DMD: variants seen among roughly 807,000 people sequenced by gnomAD.
The protein encoded by DMD is mutant dystrophin.
A neutral mutation model predicts 330.1 loss-of-function variants in DMD; 63 were observed. The observed-to-expected ratio is 0.19, with a 90% confidence interval of 0.16 to 0.24. The LOEUF is 0.24. Among genes scored for constraint, DMD ranks in the 10% least tolerant of loss-of-function variants. The pLI is 1.00. For synonymous variants in DMD, 1,223 were observed against 959.8 expected, an observed-to-expected ratio of 1.27 and a Z score of -5.07; for missense variants, 3,344 against 2,684.1, an observed-to-expected ratio of 1.25 and a Z score of -5.43.
At chrX:31,126,463 A>T (rs959257875) in intron 78 of DMD, among the ~76,000 whole-genome samples, 179 bp downstream of exon 78, 2 of 111,906 alleles carry the variant, frequency 1.8e-5, no homozygotes, top group Non-Finnish European at 3.8e-5. Context: ...ACGGCAATGA[A>T]CATTTGAGGA....
intron 50 of DMD, among the ~76,000 whole-genome samples, chrX:31,811,449 A>C (rs2092453956): frequency 8.9e-6 from 1 of 112,220 alleles, no homozygotes; most frequent in Admixed American, 9.4e-5. Flanking sequence ...ACATCTCATT[A>C]TATTTCAAGC....
chrX:32,452,288 G>GA (rs2098332824), intron 26 of DMD, among the ~76,000 whole-genome samples: 1 of 43,269 alleles, frequency 2.3e-5, no homozygotes, highest in Non-Finnish European at 4.5e-5. Flanking sequence ...GAAAAGAAAG[G>GA]AAAGGAAAAG....
chrX:32,271,577 G>T (rs1480285257), intron 43 of DMD, among the ~76,000 whole-genome samples: 3 of 112,783 alleles, frequency 2.7e-5, no homozygotes, highest in African/African-American at 9.6e-5. Flanking sequence ...TTTTTAAAGC[G>T]TTAGAATTTC....
chrX:32,321,753 G>A (rs1199068852), intron 41 of DMD, among the ~76,000 whole-genome samples: 2 of 111,585 alleles, frequency 1.8e-5, no homozygotes, highest in Admixed American at 9.6e-5. Context: ...CTGCATTTGC[G>A]CCAAGACATT....
chrX:31,272,254 A>G (rs1209209188), intron 62 of DMD, among the ~76,000 whole-genome samples: 1 of 112,532 alleles, frequency 8.9e-6, no homozygotes, highest in African/African-American at 3.2e-5. Flanking sequence ...TCACTAAAAT[A>G]AAGCCATACT....
intron 66 of DMD, among the ~76,000 whole-genome samples, chrX:31,205,874 A>C (rs143644090): frequency 0.022 from 2,483 of 112,390 alleles, 62 homozygotes; most frequent in African/African-American, 0.076. Context: ...TTTGTTTAAT[A>C]TTCCTACTGA....
At chrX:31,289,251 C>CAAAAAAAAAAAAAAAAAAAAAAA (rs773939250) in intron 62 of DMD, among the ~76,000 whole-genome samples, 5 of 23,600 alleles carry the variant, frequency 2.1e-4, no homozygotes, top group African/African-American at 6.6e-4. Flanking sequence ...GGTGACAGAG[C>CAAAAAAAAAAAAAAAAAAAAAAA]AAAAAAAAAA....
intron 42 of DMD, among the ~76,000 whole-genome samples, chrX:32,304,437 G>A (rs1051608628): frequency 2.7e-5 from 3 of 110,038 alleles, no homozygotes; most frequent in Admixed American, 9.7e-5. Flanking sequence ...TAATGGTTGG[G>A]GATAAAGAAT....
At chrX:32,509,258 G>T (rs1375988392) in intron 18 of DMD, among the ~76,000 whole-genome samples, 2 of 108,650 alleles carry the variant, frequency 1.8e-5, no homozygotes, top group Admixed American at 9.9e-5. Flanking sequence ...CTGGGATCTG[G>T]CCACCCATAC....
chrX:32,653,637 G>A (rs1164591832), intron 9 of DMD, among the ~76,000 whole-genome samples: 1 of 111,965 alleles, frequency 8.9e-6, no homozygotes, highest in African/African-American at 3.3e-5. Flanking sequence ...ACCTGGCAAT[G>A]TGGGCTCTTT....
intron 19 of DMD, among the ~76,000 whole-genome samples, chrX:32,492,720 T>C (rs1474913202): frequency 1.8e-5 from 2 of 112,665 alleles, no homozygotes; most frequent in South Asian, 3.6e-4. Flanking sequence ...TTAGCTTATA[T>C]AGTTTTCTTA....
chrX:32,802,913 G>A (rs1486307044), intron 7 of DMD, among the ~76,000 whole-genome samples: 2 of 111,769 alleles, frequency 1.8e-5, no homozygotes, highest in African/African-American at 6.5e-5. Context: ...GTTCATCAGG[G>A]ATATTGACCT....
intron 44 of DMD, among the ~76,000 whole-genome samples, chrX:32,091,386 C>T (rs942636400): frequency 8.9e-6 from 1 of 111,775 alleles, no homozygotes; most frequent in African/African-American, 3.2e-5. Flanking sequence ...AAAAGCATGG[C>T]TTAGATGTTG....
At chrX:31,225,037 A>T (rs779401845) in intron 63 of DMD, among the ~76,000 whole-genome samples, 1 of 112,799 alleles carries the variant, frequency 8.9e-6, no homozygotes, top group African/African-American at 3.2e-5. Flanking sequence ...TCGAAATGTT[A>T]TATCTTGATT....
intron 52 of DMD, among the ~76,000 whole-genome samples, chrX:31,694,924 T>C (rs776060867): frequency 9.1e-6 from 1 of 109,680 alleles, no homozygotes; most frequent in Non-Finnish European, 1.9e-5. Context: ...TCTGGGTACA[T>C]ACTCAAAAGA....
chrX:33,088,609 CG>C (rs1239281816), intron 1 of DMD, among the ~76,000 whole-genome samples: 1 of 110,638 alleles, frequency 9.0e-6, no homozygotes, highest in Admixed American at 9.7e-5. Flanking sequence ...GGTGTAAACC[CG>C]GGAGGCGGAG....
chrX:31,234,278 T>C (rs746658328), intron 63 of DMD, among the ~76,000 whole-genome samples: 1 of 112,441 alleles, frequency 8.9e-6, no homozygotes, highest in South Asian at 3.7e-4. Flanking sequence ...GACTGTGGAG[T>C]CCCTCCAATA....
At chrX:32,033,889 G>C (rs944169404) in intron 44 of DMD, among the ~76,000 whole-genome samples, 3 of 111,662 alleles carry the variant, frequency 2.7e-5, no homozygotes, top group African/African-American at 9.8e-5. Context: ...CCCTGCAAAA[G>C]TTATGGGGCA....
intron 47 of DMD, among the ~76,000 whole-genome samples, chrX:31,900,620 G>A (rs1450038309): frequency 9.0e-6 from 1 of 111,446 alleles, no homozygotes; most frequent in Non-Finnish European, 1.9e-5. Flanking sequence ...GTAGAGTGGG[G>A]CACTGCTGAA....
Sources: allele counts gnomAD v4.1 joint callset (sites outside exome capture counted in the v4.1 genomes callset), GRCh38; gene constraint gnomAD v4.1.1; transcripts MANE v1.5; gene names NCBI Gene and HGNC (gene_info 2026-07-23, HGNC 2026-07-21).